Variants in FSTL4 observed in about 807,000 individuals in gnomAD.
The protein encoded by FSTL4 is follistatin like 4, also known as follistatin-related protein 4.
FSTL4 carries 28 observed loss-of-function variants against 78.2 expected under a neutral mutation model. The observed-to-expected ratio is 0.36, with a 90% CI of 0.27 to 0.49. FSTL4 has a LOEUF of 0.49. Ranked by LOEUF, FSTL4 falls within the 20% of genes least tolerant of loss-of-function variation. FSTL4 has a pLI of 0.98. For missense variants in FSTL4, 922 were observed against 1,084.9 expected (o/e 0.85, Z 2.11); for synonymous variants, 422 against 440.5 (o/e 0.96, Z 0.53).
Position 133,588,109 on chromosome 5 carries a change from C to T in FSTL4, c.126+15749G>A, listed in dbSNP as rs1173040274. On this transcript the variant is annotated intron_variant, in intron 2 of 15. Coordinates refer to ENST00000265342, the MANE Select transcript of FSTL4 (RefSeq NM_015082.2). Reference sequence around the variant, plus strand: ...GTAGAAAGCTGAAACTGGATCCCTTCCTTACACCTTATACAAAAATCAATC... The same window carrying T: ...GTAGAAAGCTGAAACTGGATCCCTTTCTTACACCTTATACAAAAATCAATC... 2.6e-4 allele frequency among the ~76,000 whole-genome samples: 29 copies of T among 112,856 alleles called. 1 individual carries two copies. Among genetic ancestry groups the T allele is most frequent in the Non-Finnish European group, 5.1e-4 (26 of 50,626 alleles). 74.0% of individuals were successfully genotyped at this position (112,856 alleles called of 152,430 possible). A position where few individuals can be genotyped will look rare whatever the true frequency, so the allele number is the denominator to read the frequency against.
At chr5:133,314,166 G>C (rs749771024) in intron 5 of FSTL4, among the ~76,000 whole-genome samples, 16 of 152,208 alleles carry the variant, frequency 1.1e-4, no homozygotes, top group Non-Finnish European at 2.2e-4. Flanking sequence ...CTGCTCGGTA[G>C]TTTGAGGAAT....
chr5:133,780,840 G>T, the FSTL4 span, among the ~76,000 whole-genome samples: 3 of 152,134 alleles, frequency 2.0e-5, no homozygotes, highest in Admixed American at 6.5e-5. Flanking sequence ...GGGCCAGGGC[G>T]CCAAGCCCAG....
the FSTL4 span, among the ~76,000 whole-genome samples, chr5:133,837,419 G>T: frequency 6.6e-6 from 1 of 151,934 alleles, no homozygotes; most frequent in African/African-American, 2.4e-5. Flanking sequence ...ATTCTCTCTT[G>T]GTTTTCAGTC....
intron 2 of FSTL4, among the ~76,000 whole-genome samples, chr5:133,599,386 A>G (rs1031204751): frequency 2.6e-5 from 4 of 152,036 alleles, no homozygotes; most frequent in Non-Finnish European, 5.9e-5. Context: ...GAGGTTAGGG[A>G]GGCGGGGAAT....
chr5:133,626,728 T>C, the FSTL4 span, among the ~76,000 whole-genome samples: 1 of 152,142 alleles, frequency 6.6e-6, no homozygotes. Flanking sequence ...CTAGTTTTGT[T>C]CCTTTGTGGA....
At chr5:133,667,695 T>G in the FSTL4 span, among the ~76,000 whole-genome samples, 1 of 152,186 alleles carries the variant, frequency 6.6e-6, no homozygotes, top group Admixed American at 6.6e-5. Context: ...CTACTTACAG[T>G]GGCAACATCC....
At chr5:133,734,074 A>G in the FSTL4 span, among the ~76,000 whole-genome samples, 1 of 152,330 alleles carries the variant, frequency 6.6e-6, no homozygotes, top group East Asian at 1.9e-4. Flanking sequence ...GAATGCAAAT[A>G]TTGTTACCTC....
Position 133,217,338 on chromosome 5 carries a change from G to A in FSTL4, c.1499C>T (p.Pro500Leu). 6.2e-7 allele frequency: 1 copy of A among 1,614,028 alleles called. No homozygotes were observed. Among genetic ancestry groups the A allele is most frequent in the Non-Finnish European group, 8.5e-7 (1 of 1,179,908 alleles). The stretch of plus-strand genomic sequence containing the variant: ...ATTGACTGCAGATACCCACTGGCAG[G>A]GCTGGGTTGCATTTTTTTCTCTTTG... ...CPQREKNATQ[P>L]CQWVSAVNVR... The change falls in exon 13 of 16, where the codon CCC becomes CTC. Residue 500 changes from proline (P) to leucine (L), a missense_variant. Transcript: ENST00000265342.
the FSTL4 span, among the ~76,000 whole-genome samples, chr5:133,831,475 T>C: frequency 6.6e-6 from 1 of 152,230 alleles, no homozygotes; most frequent in South Asian, 2.1e-4. Context: ...AAAATATTGA[T>C]ACTTCTGGCT....
At chr5:133,836,699 C>A in the FSTL4 span, among the ~76,000 whole-genome samples, 1 of 151,842 alleles carries the variant, frequency 6.6e-6, no homozygotes, top group Non-Finnish European at 1.5e-5. Context: ...AAATGTGTCT[C>A]CGAAGTTTTT....
At chr5:133,715,958 C>T in the FSTL4 span, among the ~76,000 whole-genome samples, 50,120 of 152,032 alleles carry the variant, frequency 0.33, 8,897 homozygotes, top group African/African-American at 0.46. Flanking sequence ...GCTTAGTCCT[C>T]GGCTGAGTGA....
the FSTL4 span, among the ~76,000 whole-genome samples, chr5:133,728,300 G>A: frequency 6.6e-6 from 1 of 152,224 alleles, no homozygotes; most frequent in Non-Finnish European, 1.5e-5. Flanking sequence ...AGAACCTGCA[G>A]AAGCAAAAGT....
chr5:133,650,706 A>C, the FSTL4 span, among the ~76,000 whole-genome samples: 1 of 152,132 alleles, frequency 6.6e-6, no homozygotes, highest in African/African-American at 2.4e-5. Flanking sequence ...GTAAGTCTTG[A>C]AGTTGGGCAA....
the FSTL4 span, among the ~76,000 whole-genome samples, chr5:133,830,464 A>C: frequency 6.6e-6 from 1 of 152,160 alleles, no homozygotes; most frequent in African/African-American, 2.4e-5. Flanking sequence ...GGGCTGGGGC[A>C]AGGCCCTGCC....
At chr5:133,795,807 C>T in the FSTL4 span, among the ~76,000 whole-genome samples, 1 of 152,210 alleles carries the variant, frequency 6.6e-6, no homozygotes, top group Admixed American at 6.5e-5. Context: ...TTCCATGCAG[C>T]CTAAATTCCC....
intron 4 of FSTL4, among the ~76,000 whole-genome samples, chr5:133,341,961 C>T (rs1239796245): frequency 1.3e-5 from 2 of 152,210 alleles, no homozygotes; most frequent in East Asian, 3.9e-4. Context: ...CCAGCACTGT[C>T]TCCCAGGCAC....
chr5:133,230,324 G>C (rs980100095), intron 8 of FSTL4, among the ~76,000 whole-genome samples: 1 of 152,184 alleles, frequency 6.6e-6, no homozygotes, highest in Non-Finnish European at 1.5e-5. Context: ...TACCTAACAG[G>C]TTCCAAGGGA....
the FSTL4 span, among the ~76,000 whole-genome samples, chr5:133,618,550 G>A: frequency 0.012 from 1,828 of 152,258 alleles, 31 homozygotes; most frequent in African/African-American, 0.041. Flanking sequence ...ACCCATTATC[G>A]TCATCACTAC....
the FSTL4 span, among the ~76,000 whole-genome samples, chr5:133,797,236 G>T: frequency 6.6e-6 from 1 of 152,232 alleles, no homozygotes; most frequent in Non-Finnish European, 1.5e-5. Context: ...ACATTGATTG[G>T]CCTGAAAAGG....
Sources: gnomAD v4.1 joint callset for allele counts (sites outside exome capture counted in the v4.1 genomes callset) on GRCh38, gnomAD v4.1.1 for gene constraint, MANE v1.5 for transcripts, NCBI Gene and HGNC (gene_info 2026-07-23, HGNC 2026-07-21) for gene names.